CD58: variants seen among roughly 807,000 people sequenced by gnomAD.
CD58 encodes the protein lymphocyte function-associated antigen 3.
A neutral mutation model predicts 27.6 loss-of-function variants in CD58; 14 were observed. The observed-to-expected ratio is 0.51, with a 90% CI of 0.34 to 0.79. The LOEUF is 0.79. CD58 is among the 30% of genes least tolerant of loss of function. The pLI, the probability that CD58 is intolerant of heterozygous loss-of-function variation, is 0.02. For synonymous variants in CD58, 117 were observed against 103.8 expected (o/e 1.13, Z -0.77); for missense variants, 268 against 301.7 (o/e 0.89, Z 0.83).
rs1657318348 is a variant in CD58, at chr1:116,523,020, T to C, written c.629-1037A>G. On this transcript the variant is annotated intron_variant, in intron 3 of 5. Coordinates refer to ENST00000369489, the MANE Select transcript of CD58 (RefSeq NM_001779.3). This position sits in a 1 kb window ranked among gnomAD's most constrained non-coding sequence, Gnocchi z 4.4. ...TAGGGTAGTTGCATTTAAGAACAGCTGTTATATACTGTCATTAACCTATTG... is the reference window on the plus strand; with the variant it reads ...TAGGGTAGTTGCATTTAAGAACAGCCGTTATATACTGTCATTAACCTATTG... 6.6e-6 allele frequency among the ~76,000 whole-genome samples: 1 copy of C among 152,180 alleles called. No individual in the cohort carries two copies. Among genetic ancestry groups the C allele is most frequent in the Non-Finnish European group, 1.5e-5 (1 of 68,030 alleles).
intron 4 of CD58, among the ~76,000 whole-genome samples, chr1:116,520,036 T>C (rs1657217896): frequency 6.6e-6 from 1 of 152,216 alleles, no homozygotes; most frequent in Admixed American, 6.5e-5. Flanking sequence ...TTCAACTCTT[T>C]CCTCTTCTGA....
chr1:116,562,844 G>C (rs1217552631), intron 1 of CD58, among the ~76,000 whole-genome samples: 1 of 152,030 alleles, frequency 6.6e-6, no homozygotes, highest in Admixed American at 6.6e-5. Flanking sequence ...ATTTGGGTGG[G>C]GACACAGCCA....
chr1:116,526,531 C>T (rs190348291), intron 3 of CD58, among the ~76,000 whole-genome samples: 45 of 152,290 alleles, frequency 3.0e-4, no homozygotes, highest in African/African-American at 1.0e-3. Context: ...CTCTCTATTC[C>T]GATTCACTGA....
chr1:116,562,061 C>T (rs1658773179), intron 1 of CD58, among the ~76,000 whole-genome samples: 1 of 152,046 alleles, frequency 6.6e-6, no homozygotes, highest in Non-Finnish European at 1.5e-5. Context: ...TCCAGCAAAG[C>T]ACATGAACAA....
intron 1 of CD58, among the ~76,000 whole-genome samples, chr1:116,561,856 T>C (rs1186616977): frequency 6.6e-6 from 1 of 152,188 alleles, no homozygotes; most frequent in African/African-American, 2.4e-5. Context: ...ATAAAATCAG[T>C]GTGACAATTA....
At chr1:116,554,573 C>A (rs1316815030) in intron 1 of CD58, among the ~76,000 whole-genome samples, 1 of 151,968 alleles carries the variant, frequency 6.6e-6, no homozygotes, top group Admixed American at 6.6e-5. Context: ...TACATGTGTA[C>A]ATGCATTCTC....
rs1217550830 is a variant in CD58 at position 116,519,430 on chromosome 1, C to G, written c.707-163G>C. Reference sequence around the variant, plus strand: ...TATATGCTTTAAATCAAATCGGCTACAGAGCTGGTCCAAAGAGTTGTTCAA... The same window carrying G: ...TATATGCTTTAAATCAAATCGGCTAGAGAGCTGGTCCAAAGAGTTGTTCAA... On this transcript the variant is annotated intron_variant, in intron 4 of 5. Coordinates refer to ENST00000369489, the MANE Select transcript of CD58 (RefSeq NM_001779.3). This position sits in a 1 kb window ranked among gnomAD's most constrained non-coding sequence, Gnocchi z 4.7. The G allele has an allele frequency of 2.9e-6, 2 of 687,026 alleles. No homozygotes were observed. The highest frequency in any genetic ancestry group is 3.6e-5 in the African/African-American group (2 of 55,798). 42.6% of individuals were successfully genotyped at this position (687,026 alleles called of 1,614,324 possible). A position where few individuals can be genotyped will look rare whatever the true frequency, so the allele number is the denominator to read the frequency against.
intron 2 of CD58, among the ~76,000 whole-genome samples, chr1:116,543,982 T>C (rs1378615729): frequency 6.6e-6 from 1 of 152,094 alleles, no homozygotes; most frequent in Non-Finnish European, 1.5e-5. Context: ...CCCCGCTGTG[T>C]GGGGAAGCAG....
chr1:116,529,354 G>A (rs565646730), intron 3 of CD58, among the ~76,000 whole-genome samples: 2 of 152,342 alleles, frequency 1.3e-5, no homozygotes, highest in South Asian at 4.1e-4. Context: ...AAATGTAGGA[G>A]CATGACACAA....
In CD58 at chr1:116,519,093, G is replaced by A; in HGVS notation, c.743+138C>T. On this transcript the variant is annotated intron_variant, in intron 5 of 5. Transcript: ENST00000369489. This position sits in a 1 kb window ranked among gnomAD's most constrained non-coding sequence, Gnocchi z 4.7. ...GTTGGTACTTAATACACTATGGTTA[G>A]TATATCTGCTGATGTTACTTCTTAT... is the stretch of plus-strand genomic sequence containing the variant. 1 of 1,495,952 alleles carries A rather than the reference G, an allele frequency of 6.7e-7. No homozygotes were observed. The highest frequency in any genetic ancestry group is 8.9e-7 in the Non-Finnish European group (1 of 1,120,438). The allele number at this position is 1,495,952 out of a possible 1,614,324, so 92.7% of individuals were successfully genotyped here.
rs1475795719 is a variant in CD58 at position 116,532,147 on chromosome 1, G to A, written c.628+3818C>T. Among the ~76,000 whole-genome samples, 2 of 152,272 alleles carry A rather than the reference G, an allele frequency of 1.3e-5. No individual in the cohort carries two copies. The highest frequency in any genetic ancestry group is 2.9e-5 in the Non-Finnish European group (2 of 68,050). On this transcript the variant is annotated intron_variant, in intron 3 of 5. Coordinates refer to ENST00000369489, the MANE Select transcript of CD58 (RefSeq NM_001779.3). This position sits in a 1 kb window ranked among gnomAD's most constrained non-coding sequence, Gnocchi z 5.1. ...TCACGAGGACAGGCTCGCGTCTTCAGCCCTGGTGGCAGGAAGCAGTGTTTC... is the reference window on the plus strand; with the variant it reads ...TCACGAGGACAGGCTCGCGTCTTCAACCCTGGTGGCAGGAAGCAGTGTTTC...
At chr1:116,554,644 A>C (rs1658505743) in intron 1 of CD58, among the ~76,000 whole-genome samples, 1 of 152,140 alleles carries the variant, frequency 6.6e-6, no homozygotes, top group Admixed American at 6.5e-5. Flanking sequence ...GTTGTTTTTA[A>C]AGTAACCACG....
In CD58 at chr1:116,521,359, C is replaced by T. The variant is rs1657256055; in HGVS notation, c.706+547G>A. On this transcript the variant is annotated intron_variant, in intron 4 of 5. Coordinates refer to ENST00000369489, the MANE Select transcript of CD58 (RefSeq NM_001779.3). The surrounding 1 kb of genome is among the most constrained non-coding windows in gnomAD (Gnocchi z 5.6). ...GGGATTTGAGAGGGATTACTCATTACCAGGAATGAACAGGCTGGGAACAAA... is the reference window on the plus strand; with the variant it reads ...GGGATTTGAGAGGGATTACTCATTATCAGGAATGAACAGGCTGGGAACAAA... Among the ~76,000 whole-genome samples the T allele has an allele frequency of 6.6e-6, 1 of 152,136 alleles. No homozygotes were observed. The highest frequency in any genetic ancestry group is 2.1e-4 in the South Asian group (1 of 4,828).
At position 116,532,191 on chromosome 1, in the gene CD58, C is replaced by A. The variant is rs886621622; in HGVS notation, c.628+3774G>T. Among the ~76,000 whole-genome samples, 1 of 152,242 alleles carries A rather than the reference C, an allele frequency of 6.6e-6. No individual in the cohort carries two copies. The highest frequency in any genetic ancestry group is 2.4e-5 in the African/African-American group (1 of 41,472). ...GTGTTTCTTCCGCACAGCCCTTGCT[C>A]CTGCTAGGAAGTGGCACATCTTCCT... On this transcript the variant is annotated intron_variant, in intron 3 of 5. Coordinates refer to ENST00000369489, the MANE Select transcript of CD58 (RefSeq NM_001779.3). This position sits in a 1 kb window ranked among gnomAD's most constrained non-coding sequence, Gnocchi z 5.1.
chr1:116,554,177 A>G (rs1658494565), intron 1 of CD58, among the ~76,000 whole-genome samples: 1 of 152,230 alleles, frequency 6.6e-6, no homozygotes, highest in Admixed American at 6.5e-5. Context: ...ATAAAGAGAT[A>G]TGCATAATGA....
chr1:116,520,030 A>G (rs1263229248), intron 4 of CD58, among the ~76,000 whole-genome samples: 4 of 152,154 alleles, frequency 2.6e-5, no homozygotes, highest in South Asian at 2.1e-4. Flanking sequence ...TTTCCATTCA[A>G]CTCTTTCCTC....
chr1:116,569,307 C>A (rs1268335349), intron 1 of CD58, among the ~76,000 whole-genome samples: 2 of 152,210 alleles, frequency 1.3e-5, no homozygotes, highest in Non-Finnish European at 2.9e-5. Flanking sequence ...GGCCTCCCTG[C>A]CTCCAATTCC....
rs1026565816 is a variant in CD58, at chr1:116,522,995, T to C, written c.629-1012A>G. Among the ~76,000 whole-genome samples, 8 of 152,186 alleles carry C rather than the reference T, an allele frequency of 5.3e-5. No homozygotes were observed. Among genetic ancestry groups the C allele is most frequent in the African/African-American group, 1.9e-4 (8 of 41,438 alleles). On this transcript the variant is annotated intron_variant, in intron 3 of 5. Transcript: ENST00000369489. The surrounding 1 kb of genome is among the most constrained non-coding windows in gnomAD (Gnocchi z 4.6). The stretch of plus-strand genomic sequence containing the variant: ...GAGACTAATAAATATACTTATCTCA[T>C]AGGGTAGTTGCATTTAAGAACAGCT...
Position 116,536,333 on chromosome 1 carries a change from G to T in CD58, c.365-105C>A. 1.3e-6 allele frequency: 1 copy of T among 785,284 alleles called. No individual in the cohort carries two copies. Among genetic ancestry groups the T allele is most frequent in the Non-Finnish European group, 2.0e-6 (1 of 508,114 alleles). The allele number at this position is 785,284 out of a possible 1,614,324, so 48.6% of individuals were successfully genotyped here. ...AACCTCCTTACAAGCTTGAAAGGAT[G>T]AGCAGACAAACTCCTTGAGCATCAA... On this transcript the variant is annotated intron_variant, in intron 2 of 5. Coordinates refer to ENST00000369489, the MANE Select transcript of CD58 (RefSeq NM_001779.3). The surrounding 1 kb of genome is among the most constrained non-coding windows in gnomAD (Gnocchi z 5.4).
Sources: gnomAD v4.1 joint callset for allele counts (sites outside exome capture counted in the v4.1 genomes callset) on GRCh38, gnomAD v4.1.1 for gene constraint, Gnocchi (gnomAD v3.1) non-coding constraint, MANE v1.5 for transcripts, NCBI Gene and HGNC (gene_info 2026-07-23, HGNC 2026-07-21) for gene names.